Variants in CIT observed in about 807,000 individuals in gnomAD.
The protein encoded by CIT is citron Rho-interacting kinase.
CIT carries 79 observed loss-of-function variants against 272.7 expected under a neutral mutation model. The observed-to-expected ratio is 0.29, with a 90% confidence interval of 0.24 to 0.35. The LOEUF is 0.35. Among genes scored for constraint, CIT ranks in the 10% least tolerant of loss-of-function variants. The probability of loss-of-function intolerance (pLI) is 1.00; values close to 1 mark genes in which losing one functional copy is unlikely to be tolerated. For synonymous variants in CIT, 948 were observed against 995.6 expected, an observed-to-expected ratio of 0.95 and a Z score of 0.90; for missense variants, 1,909 against 2,618.3, an observed-to-expected ratio of 0.73 and a Z score of 5.91.
chr12:119,721,376 G>A lies in CIT; in HGVS notation c.3665C>T (p.Ala1222Val). 6.2e-7 allele frequency: 1 copy of A among 1,612,096 alleles called. No homozygotes were observed. Among genetic ancestry groups the A allele is most frequent in the Non-Finnish European group, 8.5e-7 (1 of 1,178,280 alleles). Residue 1222 changes from alanine (A) to valine (V), a missense_variant, in exon 29 of 48, where the codon GCT becomes GTT. Physicochemically the swap from Ala to Val is moderately conservative, Grantham distance 64. This residue lies in a region of CIT where 530 missense variants were observed against 822.4 expected (regional missense o/e 0.64). Transcript: ENST00000392521. ...IFRLTQGLQE[A>V]LDRADLLKTE... ...CTTCAGTAGATCAGCCCGATCTAGA[G>A]CTTCTTGCAGTCCTTGAGTCAGACG... is the stretch of plus-strand genomic sequence containing the variant.
At chr12:119,815,037 CAAAA>C (rs140981194) in intron 9 of CIT, among the ~76,000 whole-genome samples, 8 of 58,880 alleles carry the variant, frequency 1.4e-4, no homozygotes, top group Non-Finnish European at 2.4e-4. Flanking sequence ...GACTCTGTCT[CAAAA>C]AAAAAAAAAA....
chr12:119,743,728 C>T (rs1959168067), intron 23 of CIT, among the ~76,000 whole-genome samples: 1 of 152,152 alleles, frequency 6.6e-6, no homozygotes. Flanking sequence ...ATGTTTATGT[C>T]TGTATATGAC....
rs1308168503 is a variant in CIT, at chr12:119,688,023, G to C, written c.*209C>G. ...GAGATGACTGCAGGGAGGTGCCCAG[G>C]GCAGGCACCGGGCGCTGACAGCTCC... On this transcript the variant is annotated 3_prime_UTR_variant, in exon 48 of 48. Transcript: ENST00000392521. 1.6e-5 allele frequency: 10 copies of C among 613,276 alleles called. No homozygotes were observed. Among genetic ancestry groups the C allele is most frequent in the Admixed American group, 5.9e-5 (2 of 34,122 alleles). 38.0% of individuals were successfully genotyped at this position (613,276 alleles called of 1,614,324 possible). A position where few individuals can be genotyped will look rare whatever the true frequency, so the allele number is the denominator to read the frequency against.
chr12:119,804,389 C>T lies in CIT; in HGVS notation c.1112-1000G>A. ...GCGAGTTAGAGCCGAGCATCACATC[C>T]CCCGCAGTGCAGGCTGCATGCTCCC... On this transcript the variant is annotated intron_variant, in intron 9 of 47. Transcript: ENST00000392521. The surrounding 1 kb of genome is among the most constrained non-coding windows in gnomAD (Gnocchi z 5.3). 1 of 985,608 alleles carries T rather than the reference C, an allele frequency of 1.0e-6. No homozygotes were observed. The highest frequency in any genetic ancestry group is 1.2e-6 in the Non-Finnish European group (1 of 830,062). The allele number at this position is 985,608 out of a possible 1,614,324, so 61.1% of individuals were successfully genotyped here. A position where few individuals can be genotyped will look rare whatever the true frequency, so the allele number is the denominator to read the frequency against.
At chr12:119,867,333 C>T (rs770387655) in intron 3 of CIT, among the ~76,000 whole-genome samples, 1 of 152,060 alleles carries the variant, frequency 6.6e-6, no homozygotes, top group Admixed American at 6.6e-5. Flanking sequence ...GGATTACAGG[C>T]GCCCGCTGCC....
intron 17 of CIT, among the ~76,000 whole-genome samples, chr12:119,772,176 A>C (rs893047064): frequency 2.0e-5 from 3 of 152,128 alleles, no homozygotes; most frequent in African/African-American, 7.2e-5. Context: ...GACAAACACC[A>C]AGGGGCAGAG....
At chr12:119,848,229 G>C (rs1969953761) in intron 5 of CIT, among the ~76,000 whole-genome samples, 1 of 152,216 alleles carries the variant, frequency 6.6e-6, no homozygotes, top group Non-Finnish European at 1.5e-5. Flanking sequence ...AGAGGACAAG[G>C]AAAACTTCTC....
intron 47 of CIT, among the ~76,000 whole-genome samples, chr12:119,688,786 T>C (rs1955739455): frequency 1.3e-5 from 2 of 152,214 alleles, no homozygotes; most frequent in African/African-American, 4.8e-5. Context: ...GATTTAAACA[T>C]TTCCAAAAGT....
chr12:119,711,122 A>C, intron 37 of CIT: 2 of 1,365,960 alleles, frequency 1.5e-6, no homozygotes, highest in Non-Finnish European at 2.0e-6. Flanking sequence ...CAAGGATTTC[A>C]GTAAAAGCTC....
chr12:119,785,115 A>T (rs1282152206), intron 10 of CIT, 50 bp from the exon 11 acceptor site: 1 of 1,587,730 alleles, frequency 6.3e-7, no homozygotes, highest in South Asian at 1.1e-5. Flanking sequence ...GGGCCTAAGA[A>T]GCTGCATTAG....
At chr12:119,727,156 G>T (rs1241552508) in intron 28 of CIT, among the ~76,000 whole-genome samples, 1 of 152,126 alleles carries the variant, frequency 6.6e-6, no homozygotes, top group Non-Finnish European at 1.5e-5. Context: ...CACTTACTAT[G>T]TGCTTGACAC....
chr12:119,719,339 A>T (rs1957713025), intron 30 of CIT, among the ~76,000 whole-genome samples: 1 of 152,040 alleles, frequency 6.6e-6, no homozygotes, highest in Non-Finnish European at 1.5e-5. Flanking sequence ...CAAGGGGCTT[A>T]CTCAAAAAAA....
chr12:119,832,903 C>T, intron 6 of CIT, 39 bp from the exon 7 acceptor site: 1 of 1,481,700 alleles, frequency 6.7e-7, no homozygotes, highest in Non-Finnish European at 9.4e-7. Flanking sequence ...CTCCTCCATC[C>T]CAATCAGCAA....
At chr12:119,840,727 T>C (rs1313252103) in intron 5 of CIT, among the ~76,000 whole-genome samples, 1 of 152,200 alleles carries the variant, frequency 6.6e-6, no homozygotes. Flanking sequence ...AACCCTGGCT[T>C]CAGAAGCAGC....
chr12:119,871,475 A>C (rs142617562), intron 2 of CIT, among the ~76,000 whole-genome samples: 48 of 152,280 alleles, frequency 3.2e-4, no homozygotes, highest in Admixed American at 1.8e-3. Flanking sequence ...CAAACAAACA[A>C]ACACATTCTC....
At position 119,697,513 on chromosome 12, in the gene CIT, G is replaced by T; in HGVS notation, c.5882+146C>A. Reference sequence around the variant, plus strand: ...GCTCATAATGGTCTGTGTTATTTCAGTGCCGCAGATCGCAAACAAATGAAT... The same window carrying T: ...GCTCATAATGGTCTGTGTTATTTCATTGCCGCAGATCGCAAACAAATGAAT... On this transcript the variant is annotated intron_variant, in intron 46 of 47. Transcript: ENST00000392521. This position sits in a 1 kb window ranked among gnomAD's most constrained non-coding sequence, Gnocchi z 4.9. 2.3e-6 allele frequency: 2 copies of T among 863,310 alleles called. No homozygotes were observed. The highest frequency in any genetic ancestry group is 1.8e-6 in the Non-Finnish European group (1 of 554,190). 53.5% of individuals were successfully genotyped at this position (863,310 alleles called of 1,614,324 possible).
Position 119,714,301 on chromosome 12 carries a change from T to A in CIT, c.4202A>T (p.His1401Leu). Reference sequence around the variant, plus strand: ...TACGTTGAATCGGTGAGGAATATTGTGGTGCATGCGTTCCTTAAGACGCCG... The same window carrying A: ...TACGTTGAATCGGTGAGGAATATTGAGGTGCATGCGTTCCTTAAGACGCCG... ...FSRRLKERMH[H>L]NIPHRFNVGL... The change falls in exon 33 of 48, where the codon CAC becomes CTC. Residue 1401 changes from histidine (H) to leucine (L), a missense_variant. This residue lies in a region of CIT where 780 missense variants were observed against 1,067.2 expected (regional missense o/e 0.73). Coordinates refer to ENST00000392521, the MANE Select transcript of CIT (RefSeq NM_001206999.2). 1 of 1,614,128 alleles carries A rather than the reference T, an allele frequency of 6.2e-7. No individual in the cohort carries two copies. Among genetic ancestry groups the A allele is most frequent in the Non-Finnish European group, 8.5e-7 (1 of 1,180,020 alleles).
intron 28 of CIT, among the ~76,000 whole-genome samples, chr12:119,726,011 CGT>C (rs3999591): frequency 1.3e-3 from 194 of 149,968 alleles, no homozygotes; most frequent in East Asian, 5.1e-3. Context: ...ACCAAATATA[CGT>C]GTGTGTGTGT....
At chr12:119,767,920 T>C (rs1962641491) in intron 18 of CIT, among the ~76,000 whole-genome samples, 1 of 151,964 alleles carries the variant, frequency 6.6e-6, no homozygotes. Context: ...AGCTTTTTTT[T>C]TTTTTTTTTA....
Sources: gnomAD v4.1 joint callset for allele counts (sites outside exome capture counted in the v4.1 genomes callset) on GRCh38, gnomAD v4.1.1 for gene constraint, gnomAD v4.1.1 regional missense constraint, Gnocchi (gnomAD v3.1) non-coding constraint, MANE v1.5 for transcripts, NCBI Gene and HGNC (gene_info 2026-07-23, HGNC 2026-07-21) for gene names.